Variants in PAPPA2 observed in about 807,000 individuals in gnomAD.
PAPPA2 encodes pappalysin-2.
Under a neutral mutation model 176.4 loss-of-function variants are expected in PAPPA2, and 86 were observed. The ratio of observed to expected loss-of-function variants is 0.49; its 90% CI spans 0.41 to 0.58. PAPPA2 has a LOEUF of 0.58. PAPPA2 is among the 20% of genes least tolerant of loss of function. The pLI is 0.00. For synonymous variants in PAPPA2, 809 were observed against 852.2 expected, an observed-to-expected ratio of 0.95 and a Z score of 0.88; for missense variants, 2,073 against 2,256.9, an observed-to-expected ratio of 0.92 and a Z score of 1.65.
intron 21 of PAPPA2, among the ~76,000 whole-genome samples, chr1:176,838,415 T>C (rs1667356778): frequency 6.6e-6 from 1 of 152,192 alleles, no homozygotes; most frequent in Non-Finnish European, 1.5e-5. Context: ...AAGAAGGAAC[T>C]TACTAGGTTT....
chr1:176,769,863 G>A (rs1029364867), intron 16 of PAPPA2, 79 bp downstream of exon 16: 12 of 1,408,218 alleles, frequency 8.5e-6, no homozygotes, highest in African/African-American at 4.4e-5. Context: ...GACTCTTTTC[G>A]TTACCCCAAC....
chr1:176,693,583 A>G (rs1571184603), intron 6 of PAPPA2, among the ~76,000 whole-genome samples: 1 of 152,244 alleles, frequency 6.6e-6, no homozygotes, highest in African/African-American at 2.4e-5. Flanking sequence ...AGAGAGAGAC[A>G]GGGATAGGAG....
At chr1:176,756,892 G>A (rs1663452141) in intron 14 of PAPPA2, among the ~76,000 whole-genome samples, 1 of 152,154 alleles carries the variant, frequency 6.6e-6, no homozygotes, top group African/African-American at 2.4e-5. Flanking sequence ...GGTGTGTGAT[G>A]TTCCCCTCTC....
chr1:176,571,981 G>C (rs2102614873), intron 2 of PAPPA2, among the ~76,000 whole-genome samples: 1 of 152,296 alleles, frequency 6.6e-6, no homozygotes, highest in South Asian at 2.1e-4. Flanking sequence ...ACCTCGAGAT[G>C]AAGATTCCGG....
chr1:176,691,461 C>T (rs982956448), intron 5 of PAPPA2, among the ~76,000 whole-genome samples: 2 of 152,164 alleles, frequency 1.3e-5, no homozygotes, highest in African/African-American at 4.8e-5. Flanking sequence ...AAACACCAGA[C>T]GATGCCATGC....
Position 176,594,822 on chromosome 1 carries a change from G to T in PAPPA2, c.1218G>T (p.Leu406Phe), listed in dbSNP as rs1653870277. 1 of 1,614,216 alleles carries T rather than the reference G, an allele frequency of 6.2e-7. No individual in the cohort carries two copies. Among genetic ancestry groups the T allele is most frequent in the Non-Finnish European group, 8.5e-7 (1 of 1,180,048 alleles). Residue 406 changes from leucine (L) to phenylalanine (F), a missense_variant, in exon 3 of 23, where the codon TTG becomes TTT. This residue lies in a region of PAPPA2 where 1,196 missense variants were observed against 1,330.4 expected (regional missense o/e 0.90). Transcript: ENST00000367662. ...CCTTCATGGCATCTTGCCGCTCTTT[G>T]CTCCTGGGGGGAGACAGCTCTGAGG... ...NSPFMASCRS[L>F]LLGGDSSEDG...
chr1:176,800,184 A>C, intron 21 of PAPPA2, 52 bp downstream of exon 21: 1 of 1,570,834 alleles, frequency 6.4e-7, no homozygotes, highest in Non-Finnish European at 8.8e-7. Context: ...AGGTGGATTT[A>C]ACTTATGGAG....
At chr1:176,602,795 C>T (rs749921113) in intron 3 of PAPPA2, among the ~76,000 whole-genome samples, 7 of 152,198 alleles carry the variant, frequency 4.6e-5, no homozygotes, top group Non-Finnish European at 5.9e-5. Context: ...CTCATGGTCA[C>T]GTCAACTGGC....
At chr1:176,800,628 A>G (rs1429219281) in intron 21 of PAPPA2, among the ~76,000 whole-genome samples, 1 of 152,238 alleles carries the variant, frequency 6.6e-6, no homozygotes, top group Non-Finnish European at 1.5e-5. Context: ...AACTCTGCAC[A>G]AAGATTTTTC....
intron 16 of PAPPA2, among the ~76,000 whole-genome samples, chr1:176,770,644 T>C (rs17354748): frequency 0.044 from 6,713 of 152,308 alleles, 191 homozygotes; most frequent in Non-Finnish European, 0.07. Context: ...ATTTTAATGC[T>C]TTCTATGATA....
At chr1:176,824,260 G>GT (rs1174021930) in intron 21 of PAPPA2, among the ~76,000 whole-genome samples, 2 of 152,190 alleles carry the variant, frequency 1.3e-5, no homozygotes, top group African/African-American at 2.4e-5. Flanking sequence ...ATTTGTATGT[G>GT]TTTTTGTTGC....
intron 7 of PAPPA2, among the ~76,000 whole-genome samples, chr1:176,697,872 A>G (rs1185629600): frequency 2.0e-5 from 3 of 152,218 alleles, no homozygotes; most frequent in African/African-American, 7.2e-5. Flanking sequence ...TACCTAGATT[A>G]GTTCTTGGTG....
At chr1:176,694,888 T>C (rs1330286754) in intron 6 of PAPPA2, among the ~76,000 whole-genome samples, 2 of 152,238 alleles carry the variant, frequency 1.3e-5, no homozygotes, top group Non-Finnish European at 2.9e-5. Context: ...ATGGAAATTC[T>C]CAACACCGCA....
At chr1:176,777,565 C>G (rs1049257015) in intron 17 of PAPPA2, among the ~76,000 whole-genome samples, 1 of 151,986 alleles carries the variant, frequency 6.6e-6, no homozygotes, top group African/African-American at 2.4e-5. Flanking sequence ...GATTTATCTC[C>G]TCATTTACTG....
intron 17 of PAPPA2, among the ~76,000 whole-genome samples, chr1:176,785,939 G>C (rs1664915913): frequency 6.6e-6 from 1 of 152,166 alleles, no homozygotes; most frequent in Non-Finnish European, 1.5e-5. Flanking sequence ...GGCCAAGCAA[G>C]GGTTTTCCTT....
intron 1 of PAPPA2, among the ~76,000 whole-genome samples, chr1:176,482,990 G>A (rs914926576): frequency 3.3e-5 from 5 of 152,178 alleles, no homozygotes; most frequent in African/African-American, 1.2e-4. Flanking sequence ...AGGGCAAGAT[G>A]CTGCATGGTA....
rs1352837205 is a variant in PAPPA2 at position 176,796,644 on chromosome 1, TTTTC to T, written c.5130+2983_5130+2986del. ...TCTTTCTTTCTTTTTCTTTCTTTTC[TTTTC>T]TTTCTTTTTCTTTCTTCTTTCTTTC... On this transcript the variant is annotated intron_variant, in intron 20 of 22. Coordinates refer to ENST00000367662, the MANE Select transcript of PAPPA2 (RefSeq NM_020318.3). Among the ~76,000 whole-genome samples, 8 of 150,858 alleles carry T rather than the reference TTTTC, an allele frequency of 5.3e-5. No homozygotes were observed. The East Asian group carries it at 7.7e-4, about 15-fold the overall frequency.
intron 17 of PAPPA2, among the ~76,000 whole-genome samples, chr1:176,788,141 G>A (rs556404944): frequency 6.6e-6 from 1 of 152,246 alleles, no homozygotes; most frequent in African/African-American, 2.4e-5. Context: ...AATGTGCCTT[G>A]CAATGTACCT....
chr1:176,726,503 C>T (rs1661883758), intron 12 of PAPPA2, among the ~76,000 whole-genome samples: 1 of 152,170 alleles, frequency 6.6e-6, no homozygotes, highest in African/African-American at 2.4e-5. Context: ...CAATGGGGAG[C>T]ATATTGATAA....
Sources: allele counts gnomAD v4.1 joint callset (sites outside exome capture counted in the v4.1 genomes callset), GRCh38; gene constraint gnomAD v4.1.1; regional missense constraint gnomAD v4.1.1; transcripts MANE v1.5; gene names NCBI Gene and HGNC (gene_info 2026-07-23, HGNC 2026-07-21).